The following PPEF2 variants were observed in gnomAD, a reference collection of about 807,000 sequenced individuals.
The protein encoded by PPEF2 is protein phosphatase with EF-hand domain 2.
A neutral mutation model predicts 84.7 loss-of-function variants in PPEF2; 84 were observed. That is an observed-to-expected ratio of 0.99 (90% CI 0.83 to 1.19). The LOEUF (loss-of-function observed/expected upper bound fraction) is 1.19. PPEF2 is among the 50% of genes most tolerant of loss of function. The pLI is 0.00. For synonymous variants in PPEF2, 346 were observed against 345.2 expected (o/e 1.00, Z -0.03); for missense variants, 924 against 937.5 (o/e 0.99, Z 0.19).
rs947133714 is a variant in PPEF2 at position 75,876,287 on chromosome 4, C to T, written c.1320G>A (p.Gln440=). ...GGAAGCAGCGCCTGGCCACGCTCACCTGCCTCCACTCCTCCTGAGTGGGCT... is the reference window on the plus strand; with the variant it reads ...GGAAGCAGCGCCTGGCCACGCTCACTTGCCTCCACTCCTCCTGAGTGGGCT... ...LRKPTQEEWR[Q]VVDILWSDPM... Residue 440 remains glutamine (Q), a splice_region_variant and synonymous_variant, in exon 11 of 17, where the codon CAG becomes CAA. Transcript: ENST00000286719. 2 of 1,595,762 alleles carry T rather than the reference C, an allele frequency of 1.3e-6. No homozygotes were observed. Among genetic ancestry groups the T allele is most frequent in the South Asian group, 1.1e-5 (1 of 88,622 alleles).
chr4:75,896,767 T>G (rs1026181558), intron 1 of PPEF2, among the ~76,000 whole-genome samples: 6 of 152,204 alleles, frequency 3.9e-5, no homozygotes, highest in African/African-American at 1.2e-4. Flanking sequence ...ATCACCTTTT[T>G]CATCCTCACT....
chr4:75,878,802 T>G (rs150081631), intron 10 of PPEF2, among the ~76,000 whole-genome samples: 15 of 152,324 alleles, frequency 9.8e-5, no homozygotes, highest in African/African-American at 3.6e-4. Flanking sequence ...TTTTTTTAGA[T>G]GGAGTCTCGC....
intron 1 of PPEF2, among the ~76,000 whole-genome samples, chr4:75,897,507 CCATGTGCAGTGGCT>C (rs1256201702): frequency 6.6e-6 from 1 of 152,136 alleles, no homozygotes; most frequent in Non-Finnish European, 1.5e-5. Flanking sequence ...ATCTTCCAGG[CCATGTGCAGTGGCT>C]CATGTCTGTA....
At position 75,860,512 on chromosome 4, in the gene PPEF2, C is replaced by A; in HGVS notation, c.*155G>T. ...AACACATACATACACAACACCCCAA[C>A]CCACCCCTCCACACTGAAATACACA... On this transcript the variant is annotated 3_prime_UTR_variant, in exon 17 of 17. Coordinates refer to ENST00000286719, the MANE Select transcript of PPEF2 (RefSeq NM_006239.3). 1 of 968,098 alleles carries A rather than the reference C, an allele frequency of 1.0e-6. No homozygotes were observed. The highest frequency in any genetic ancestry group is 1.5e-6 in the Non-Finnish European group (1 of 665,908). The allele number at this position is 968,098 out of a possible 1,614,324, so 60.0% of individuals were successfully genotyped here.
intron 2 of PPEF2, among the ~76,000 whole-genome samples, chr4:75,892,579 G>T (rs935682144): frequency 6.6e-6 from 1 of 152,172 alleles, no homozygotes; most frequent in Non-Finnish European, 1.5e-5. Flanking sequence ...TAGCAACTGT[G>T]TCCCAGCTCC....
At chr4:75,891,522 T>G in intron 4 of PPEF2, 126 bp downstream of exon 4, 1 of 1,111,556 alleles carries the variant, frequency 9.0e-7, no homozygotes, top group Non-Finnish European at 1.3e-6. Flanking sequence ...CATTTACTCC[T>G]CAGCCCCTTG....
At chr4:75,873,038 A>C in intron 12 of PPEF2, 89 bp downstream of exon 12, 1 of 1,302,722 alleles carries the variant, frequency 7.7e-7, no homozygotes, top group Non-Finnish European at 1.1e-6. Flanking sequence ...AGGTTGTTAG[A>C]AACTGAGAGC....
intron 10 of PPEF2, among the ~76,000 whole-genome samples, chr4:75,877,175 T>C (rs940133179): frequency 5.3e-5 from 8 of 150,576 alleles, no homozygotes; most frequent in African/African-American, 2.0e-4. Flanking sequence ...CCATCTCTCC[T>C]AAAAATACAA....
chr4:75,889,715 G>A (rs1020605033), intron 5 of PPEF2, among the ~76,000 whole-genome samples: 2 of 152,210 alleles, frequency 1.3e-5, no homozygotes, highest in East Asian at 1.9e-4. Flanking sequence ...GCAGTGCTCA[G>A]TAGTTATGTG....
At chr4:75,882,714 G>A in intron 10 of PPEF2, 1 of 503,630 alleles carries the variant, frequency 2.0e-6, no homozygotes, top group Non-Finnish European at 3.4e-6. Flanking sequence ...GCCCAGACTG[G>A]TCTCAAACTC....
intron 5 of PPEF2, among the ~76,000 whole-genome samples, chr4:75,889,389 T>G (rs1017313523): frequency 1.3e-5 from 2 of 152,248 alleles, no homozygotes; most frequent in Middle Eastern, 3.4e-3. Flanking sequence ...AGTTTCTGCT[T>G]CAGGGCTTTT....
chr4:75,880,229 C>T (rs9994323), intron 10 of PPEF2, among the ~76,000 whole-genome samples: 7,708 of 152,180 alleles, frequency 0.051, 535 homozygotes, highest in African/African-American at 0.16. Context: ...TCCAAATAGG[C>T]GCTGTTCTGG....
chr4:75,867,328 C>T lies in PPEF2; in HGVS notation c.1741G>A (p.Asp581Asn). 1 of 1,613,262 alleles carries T rather than the reference C, an allele frequency of 6.2e-7. No individual in the cohort carries two copies. Among genetic ancestry groups the T allele is most frequent in the Non-Finnish European group, 8.5e-7 (1 of 1,179,382 alleles). ...TCATTCTTACCGACTTTATCTGCAT[C>T]ATGCTTCTTAAATTCACTGAGAAGA... ...SDLLSEFKKH[D>N]ADKVGLITLS... Residue 581 changes from aspartate to asparagine, a missense_variant, in exon 14 of 17, where the codon GAT becomes AAT. By Grantham distance (23) the Asp-to-Asn change is conservative (BLOSUM62 1). Transcript: ENST00000286719.
intron 16 of PPEF2, 27 bp from the exon 17 acceptor site, chr4:75,860,947 G>A: frequency 6.2e-7 from 1 of 1,607,496 alleles, no homozygotes; most frequent in Non-Finnish European, 8.5e-7. Context: ...AATCACTTCA[G>A]TGAGTTAGTC....
Position 75,872,091 on chromosome 4 carries a change from G to T in PPEF2, c.1583C>A (p.Ala528Asp), listed in dbSNP as rs781482501. 1.2e-6 allele frequency: 2 copies of T among 1,613,116 alleles called. No individual in the cohort carries two copies. The highest frequency in any genetic ancestry group is 3.3e-5 in the Admixed American group (2 of 60,006). ...ATACTGCACAATATGTGGGGTCAGG[G>T]CTGGCCCCAGTTTGACATAGGCCCC... ...NRGAYVKLGP[A>D]LTPHIVQYQA... is the part of the protein sequence containing the mutation. The change falls in exon 13 of 17, where the codon GCC becomes GAC. Residue 528 changes from alanine to aspartate, a missense_variant. Coordinates refer to ENST00000286719, the MANE Select transcript of PPEF2 (RefSeq NM_006239.3).
chr4:75,891,152 G>T (rs145937210), intron 4 of PPEF2, among the ~76,000 whole-genome samples: 5,216 of 150,984 alleles, frequency 0.035, 339 homozygotes, highest in African/African-American at 0.12. Flanking sequence ...CTGCACTCCA[G>T]CCTGGGTCAC....
At position 75,861,004 on chromosome 4, in the gene PPEF2, C is replaced by T. The variant is rs1286822813; in HGVS notation, c.2009-84G>A. 3 of 1,445,824 alleles carry T rather than the reference C, an allele frequency of 2.1e-6. No individual in the cohort carries two copies. In the African/African-American group the frequency reaches 4.2e-5, roughly 20 times the overall value. 89.6% of individuals were successfully genotyped at this position (1,445,824 alleles called of 1,614,324 possible). A position where few individuals can be genotyped will look rare whatever the true frequency, so the allele number is the denominator to read the frequency against. On this transcript the variant is annotated intron_variant, in intron 16 of 16. Coordinates refer to ENST00000286719, the MANE Select transcript of PPEF2 (RefSeq NM_006239.3). ...TCTGACATTCTTACAAGGACACCTGCTCCCTACTGCTCAACAGAGAGACAC... is the reference window on the plus strand; with the variant it reads ...TCTGACATTCTTACAAGGACACCTGTTCCCTACTGCTCAACAGAGAGACAC...
At chr4:75,892,110 C>T in intron 2 of PPEF2, 132 bp from the exon 3 acceptor site, 1 of 1,152,884 alleles carries the variant, frequency 8.7e-7, no homozygotes, top group African/African-American at 1.5e-5. Context: ...AAGCACTACC[C>T]ATTGACGCCC....
At chr4:75,879,718 T>G (rs1398170431) in intron 10 of PPEF2, among the ~76,000 whole-genome samples, 2 of 152,222 alleles carry the variant, frequency 1.3e-5, no homozygotes, top group Non-Finnish European at 2.9e-5. Flanking sequence ...TTATAAGGTA[T>G]GAATGTTCAA....
Sources: allele counts gnomAD v4.1 joint callset (sites outside exome capture counted in the v4.1 genomes callset), GRCh38; gene constraint gnomAD v4.1.1; transcripts MANE v1.5; gene names NCBI Gene and HGNC (gene_info 2026-07-23, HGNC 2026-07-21).